DVL1: variants seen among roughly 807,000 people sequenced by gnomAD.
DVL1 encodes segment polarity protein dishevelled homolog DVL-1.
In DVL1, 49 loss-of-function variants were observed where a neutral mutation model predicts 65.0. The ratio of observed to expected loss-of-function variants is 0.75; its 90% CI spans 0.60 to 0.96. The LOEUF is 0.96. Ranked by LOEUF, DVL1 falls within the 40% of genes least tolerant of loss-of-function variation. The probability of loss-of-function intolerance (pLI) is 0.00; values close to 1 mark genes in which losing one functional copy is unlikely to be tolerated. For missense variants in DVL1, 1,197 were observed against 1,045.4 expected (o/e 1.15, Z -2.00); for synonymous variants, 608 against 433.9 (o/e 1.40, Z -4.99).
In DVL1 at chr1:1,335,854, C is replaced by T. The variant is rs372736397; in HGVS notation, c.*288G>A. ...AGGAGGTGGGGGTCAGCCGAGAGCC[C>T]GAGGGGGTCTTCCTCATCCCAGGAG... On this transcript the variant is annotated 3_prime_UTR_variant, in exon 15 of 15. Transcript: ENST00000378888. 3.1e-4 allele frequency: 158 copies of T among 508,982 alleles called. 2 individuals are homozygous for T. Among genetic ancestry groups the T allele is most frequent in the African/African-American group, 1.0e-3 (51 of 50,508 alleles). The allele number at this position is 508,982 out of a possible 1,614,324, so 31.5% of individuals were successfully genotyped here. A position where few individuals can be genotyped will look rare whatever the true frequency, so the allele number is the denominator to read the frequency against.
Position 1,337,003 on chromosome 1 carries a change from G to A in DVL1, c.1715-488C>T, listed in dbSNP as rs994740232. Reference sequence around the variant, plus strand: ...GGGGACATGCTGAGGGACCCCGGGCGGGACCCTGGCTTACCGGCCCAAGGT... The same window carrying A: ...GGGGACATGCTGAGGGACCCCGGGCAGGACCCTGGCTTACCGGCCCAAGGT... On this transcript the variant is annotated intron_variant, in intron 14 of 14. Coordinates refer to ENST00000378888, the MANE Select transcript of DVL1 (RefSeq NM_001330311.2). 116 of 991,136 alleles carry A rather than the reference G, an allele frequency of 1.2e-4. 1 individual carries two copies. In the Admixed American group the frequency reaches 1.8e-3, roughly 16 times the overall value. The allele number at this position is 991,136 out of a possible 1,614,324, so 61.4% of individuals were successfully genotyped here.
At chr1:1,346,343 G>A (rs1643914028) in intron 1 of DVL1, among the ~76,000 whole-genome samples, 2 of 152,304 alleles carry the variant, frequency 1.3e-5, no homozygotes, top group Admixed American at 6.5e-5. Flanking sequence ...TGTGGGAGCT[G>A]TGCCCAACAG....
chr1:1,344,495 G>A (rs1643890086), intron 1 of DVL1, among the ~76,000 whole-genome samples: 1 of 152,176 alleles, frequency 6.6e-6, no homozygotes, highest in South Asian at 2.1e-4. Flanking sequence ...TCAGGGCAGA[G>A]TGGACAGCAG....
In DVL1 at chr1:1,335,834, G is replaced by A. The variant is rs954939316; in HGVS notation, c.*308C>T. The A allele has an allele frequency of 3.5e-5, 16 of 456,542 alleles. No homozygotes were observed. Among genetic ancestry groups the A allele is most frequent in the Non-Finnish European group, 5.9e-5 (15 of 253,886 alleles). 28.3% of individuals were successfully genotyped at this position (456,542 alleles called of 1,614,324 possible). On this transcript the variant is annotated 3_prime_UTR_variant, in exon 15 of 15. Transcript: ENST00000378888. ...GGGCCTGGGCACAGCTGTGCAGGAG[G>A]TGGGGGTCAGCCGAGAGCCCGAGGG... is the stretch of plus-strand genomic sequence containing the variant.
At chr1:1,344,234 T>G (rs1228578084) in intron 1 of DVL1, among the ~76,000 whole-genome samples, 1 of 152,012 alleles carries the variant, frequency 6.6e-6, no homozygotes, top group East Asian at 1.9e-4. Flanking sequence ...TTGGGCCCAG[T>G]GGAGAAATAG....
At chr1:1,341,004 G>A (rs1643793839) in intron 5 of DVL1, among the ~76,000 whole-genome samples, 1 of 118,646 alleles carries the variant, frequency 8.4e-6, no homozygotes, top group African/African-American at 3.4e-5. Context: ...ATACTCACCT[G>A]CACACGCACC....
chr1:1,338,163 T>G lies in DVL1; in HGVS notation c.1528A>C (p.Asn510His), dbSNP rs748486151. ...LCSNLATLNL[N>H]SGSSGTSDQD... is the part of the protein sequence containing the mutation. ...TCCGAAGTCCCACTGGAGCCACTGT[T>G]GAGGTTCAGGGTGGCGAGATCTGGC... Residue 510 changes from asparagine to histidine, a missense_variant, in exon 14 of 15, where the codon AAC becomes CAC. By Grantham distance (68) the Asn-to-His change is moderately conservative. Transcript: ENST00000378888. 1 of 1,608,528 alleles carries G rather than the reference T, an allele frequency of 6.2e-7. No individual in the cohort carries two copies. Among genetic ancestry groups the G allele is most frequent in the Non-Finnish European group, 8.5e-7 (1 of 1,177,872 alleles).
At chr1:1,336,572 C>G in intron 14 of DVL1, 57 bp from the exon 15 acceptor site, 1 of 1,471,160 alleles carries the variant, frequency 6.8e-7, no homozygotes, top group Non-Finnish European at 8.9e-7. Flanking sequence ...CGGCCACGTC[C>G]AGAACAACCG....
At position 1,338,386 on chromosome 1, in the gene DVL1, G is replaced by A. The variant is rs1421128849; in HGVS notation, c.1390C>T (p.Arg464Trp). The A allele has an allele frequency of 9.9e-6, 16 of 1,612,502 alleles. No homozygotes were observed. Among genetic ancestry groups the A allele is most frequent in the Non-Finnish European group, 1.3e-5 (15 of 1,179,878 alleles). ...CTGGCGTACTTCCGGGCCTCCCGCC[G>A]CTCCTTGAAGCCCTCCACGTGTGTG... ...LYTHVEGFKE[R>W]REARKYASSL... is the part of the protein sequence containing the mutation. The change falls in exon 13 of 15, where the codon CGG (arginine) becomes TGG (tryptophan). Residue 464 changes from arginine (R) to tryptophan (W), a missense_variant. Transcript: ENST00000378888.
chr1:1,349,161 C>T lies in DVL1; in HGVS notation c.-96G>A. The T allele has an allele frequency of 1.3e-6, 1 of 765,882 alleles. No individual in the cohort carries two copies. Among genetic ancestry groups the T allele is most frequent in the Middle Eastern group, 6.6e-4 (1 of 1,522 alleles). 47.4% of individuals were successfully genotyped at this position (765,882 alleles called of 1,614,324 possible). On this transcript the variant is annotated 5_prime_UTR_variant, in exon 1 of 15. Coordinates refer to ENST00000378888, the MANE Select transcript of DVL1 (RefSeq NM_001330311.2). The surrounding 1 kb of genome is among the most constrained non-coding windows in gnomAD (Gnocchi z 4.1). ...CCGCCCGCCTGCGCCCCGCCCGGCCCGCACCGCTCTCGGCCCCGACGCTCC... is the reference window on the plus strand; with the variant it reads ...CCGCCCGCCTGCGCCCCGCCCGGCCTGCACCGCTCTCGGCCCCGACGCTCC...
intron 1 of DVL1, among the ~76,000 whole-genome samples, chr1:1,344,074 G>A (rs907589892): frequency 2.0e-5 from 3 of 152,130 alleles, no homozygotes; most frequent in South Asian, 2.1e-4. Context: ...CTGGGCAGGG[G>A]CAGGTCCCCA....
In DVL1 at chr1:1,336,582, G is replaced by A. The variant is rs966049749; in HGVS notation, c.1715-67C>T. On this transcript the variant is annotated intron_variant, in intron 14 of 14. Coordinates refer to ENST00000378888, the MANE Select transcript of DVL1 (RefSeq NM_001330311.2). ...AGGCCCGGCCACGTCCAGAACAACC[G>A]CCCCCGCCAGGTGACCGGGCAGGAA... The A allele has an allele frequency of 1.3e-4, 194 of 1,462,248 alleles. 1 individual carries two copies. The highest frequency in any genetic ancestry group is 1.7e-4 in the Non-Finnish European group (186 of 1,117,442). 90.6% of individuals were successfully genotyped at this position (1,462,248 alleles called of 1,614,324 possible). A position where few individuals can be genotyped will look rare whatever the true frequency, so the allele number is the denominator to read the frequency against.
At chr1:1,340,646 G>A (rs1643767800) in intron 5 of DVL1, 143 bp from the exon 6 acceptor site, 3 of 828,192 alleles carry the variant, frequency 3.6e-6, no homozygotes, top group South Asian at 1.7e-5. Flanking sequence ...CCACGCCCCA[G>A]GCCCTGCACA....
chr1:1,336,898 G>T (rs901636357), intron 14 of DVL1: 2 of 755,200 alleles, frequency 2.6e-6, no homozygotes, highest in African/African-American at 1.9e-5. Context: ...CCCGGCCCAG[G>T]ACCCTGGCCG....
At chr1:1,345,949 G>A (rs974030953) in intron 1 of DVL1, among the ~76,000 whole-genome samples, 3 of 152,144 alleles carry the variant, frequency 2.0e-5, no homozygotes, top group Non-Finnish European at 2.9e-5. Flanking sequence ...GGGTGGTGCC[G>A]AGTCCTGGGA....
intron 8 of DVL1, 90 bp downstream of exon 8, chr1:1,339,948 C>T: frequency 6.4e-7 from 1 of 1,554,212 alleles, no homozygotes; most frequent in Non-Finnish European, 8.7e-7. Flanking sequence ...CCAGCAGCCC[C>T]TACAGACCCA....
In DVL1 at chr1:1,339,766, C is replaced by A; in HGVS notation, c.956G>T (p.Arg319Leu). 6.2e-7 allele frequency: 1 copy of A among 1,612,998 alleles called. No homozygotes were observed. Among genetic ancestry groups the A allele is most frequent in the Middle Eastern group, 1.6e-4 (1 of 6,062 alleles). Residue 319 changes from arginine to leucine, a missense_variant, in exon 9 of 15, where the codon CGG becomes CTG. Coordinates refer to ENST00000378888, the MANE Select transcript of DVL1 (RefSeq NM_001330311.2). ...FENMSNDDAV[R>L]VLREIVSQTG... The stretch of plus-strand genomic sequence containing the variant: ...CTGGGAAACGATCTCCCGCAGCACC[C>A]GCACGGCATCGTCATTGCTCATGTT...
chr1:1,335,740 A>T lies in DVL1; in HGVS notation c.*402T>A, dbSNP rs1237396151. 1 of 186,226 alleles carries T rather than the reference A, an allele frequency of 5.4e-6. No individual in the cohort carries two copies. Among genetic ancestry groups the T allele is most frequent in the Non-Finnish European group, 1.1e-5 (1 of 89,490 alleles). The allele number at this position is 186,226 out of a possible 1,614,324, so 11.5% of individuals were successfully genotyped here. The stretch of plus-strand genomic sequence containing the variant: ...GTCACCGGCCAGGCAATAAATAAAT[A>T]AATTAGATCCCTACTCCAGACAGGG... On this transcript the variant is annotated 3_prime_UTR_variant, in exon 15 of 15. Coordinates refer to ENST00000378888, the MANE Select transcript of DVL1 (RefSeq NM_001330311.2).
intron 12 of DVL1, 24 bp from the exon 13 acceptor site, chr1:1,338,460 C>G: frequency 6.2e-7 from 1 of 1,608,806 alleles, no homozygotes; most frequent in South Asian, 1.1e-5. Context: ...GCGGTCAGCC[C>G]GCAGCCTCGA....
Sources: gnomAD v4.1 joint callset for allele counts (sites outside exome capture counted in the v4.1 genomes callset) on GRCh38, gnomAD v4.1.1 for gene constraint, Gnocchi (gnomAD v3.1) non-coding constraint, MANE v1.5 for transcripts, NCBI Gene and HGNC (gene_info 2026-07-23, HGNC 2026-07-21) for gene names.